The following ATP10D variants were observed in gnomAD, a reference collection of about 807,000 sequenced individuals.
The protein encoded by ATP10D is phospholipid-transporting ATPase VD.
In ATP10D, 89 loss-of-function variants were observed where a neutral mutation model predicts 144.8. The observed-to-expected ratio is 0.61, with a 90% CI of 0.52 to 0.73. The LOEUF is 0.73. Ranked by LOEUF, ATP10D falls within the 30% of genes least tolerant of loss-of-function variation. The pLI is 0.00. For synonymous variants in ATP10D, 571 were observed against 615.1 expected (o/e 0.93, Z 1.06); for missense variants, 1,603 against 1,714.8 (o/e 0.93, Z 1.15).
chr4:47,502,496 T>C lies in ATP10D; in HGVS notation c.-37-10008T>C, dbSNP rs148736222. ...TAAAAAAAAAAAAATCTGAAGTGTA[T>C]TGAAGAAGAGAAGCATTATCGCTTT... On this transcript the variant is annotated intron_variant, in intron 1 of 22. Transcript: ENST00000273859. Among the ~76,000 whole-genome samples, 698 of 150,944 alleles carry C rather than the reference T, an allele frequency of 4.6e-3. 11 individuals carry two copies. Among genetic ancestry groups the C allele is most frequent in the Admixed American group, 0.034 (512 of 15,118 alleles).
At chr4:47,558,827 GT>G (rs916742078) in intron 12 of ATP10D, 95 bp from the exon 13 acceptor site, 14 of 998,208 alleles carry the variant, frequency 1.4e-5, no homozygotes, top group Admixed American at 1.2e-4. Flanking sequence ...TTTTTTATTT[GT>G]TTTTTTAGTG....
In ATP10D at chr4:47,539,128, A is replaced by T. The variant is rs118074855; in HGVS notation, c.1396+2190A>T. On this transcript the variant is annotated intron_variant, in intron 9 of 22. Coordinates refer to ENST00000273859, the MANE Select transcript of ATP10D (RefSeq NM_020453.4). The stretch of plus-strand genomic sequence containing the variant: ...TGTGCTTCCAGTGTCTCTTCTTATC[A>T]AAAGGTTTATATCTTTGTTATATAA... Among the ~76,000 whole-genome samples, 710 of 152,266 alleles carry T rather than the reference A, an allele frequency of 4.7e-3. 11 individuals carry two copies. The highest frequency in any genetic ancestry group is 0.047 in the East Asian group (241 of 5,174).
intron 10 of ATP10D, among the ~76,000 whole-genome samples, chr4:47,549,861 C>T (rs577514904): frequency 1.3e-5 from 2 of 151,772 alleles, no homozygotes; most frequent in African/African-American, 2.4e-5. Context: ...GCTGACAGCA[C>T]GTGGTACGTG....
At chr4:47,489,215 G>A (rs750190537) in intron 1 of ATP10D, among the ~76,000 whole-genome samples, 53 of 152,276 alleles carry the variant, frequency 3.5e-4, no homozygotes, top group Non-Finnish European at 6.6e-4. Flanking sequence ...TCCCAGCAGA[G>A]CGATAAATTA....
At position 47,561,088 on chromosome 4, in the gene ATP10D, T is replaced by C. The variant is rs1719272401; in HGVS notation, c.2668+13T>C. The stretch of plus-strand genomic sequence containing the variant: ...CTTACATTACTTGGTAGGTGAATTA[T>C]GTTTGTATTGCCTGAATGGAGGATT... On this transcript the variant is annotated intron_variant, in intron 14 of 22. Coordinates refer to ENST00000273859, the MANE Select transcript of ATP10D (RefSeq NM_020453.4). 1 of 1,614,024 alleles carries C rather than the reference T, an allele frequency of 6.2e-7. No individual in the cohort carries two copies. Among genetic ancestry groups the C allele is most frequent in the Non-Finnish European group, 8.5e-7 (1 of 1,179,864 alleles).
rs762008183 is a variant in ATP10D, at chr4:47,591,335, C to T, written c.4235C>T (p.Thr1412Ile). Residue 1412 changes from threonine to isoleucine, a missense_variant, in exon 23 of 23, where the codon ACT becomes ATT. Thr to Ile is a moderately conservative substitution (Grantham distance 89). Transcript: ENST00000273859. ...ETALDQGYSE[T>I]KAFEMAGPSK... is the part of the protein sequence containing the mutation. ...GCTTTAGATCAAGGCTACTCTGAAA[C>T]TAAGGCCTTTGAGATGGCTGGACCC... 6 of 1,612,746 alleles carry T rather than the reference C, an allele frequency of 3.7e-6. No homozygotes were observed. Among genetic ancestry groups the T allele is most frequent in the Non-Finnish European group, 5.1e-6 (6 of 1,179,188 alleles).
chr4:47,580,619 C>T, intron 20 of ATP10D, 141 bp downstream of exon 20: 1 of 736,756 alleles, frequency 1.4e-6, no homozygotes, highest in Non-Finnish European at 2.3e-6. Flanking sequence ...TATAATCTCC[C>T]CAAAAATATA....
At chr4:47,537,770 G>A (rs1315769576) in intron 9 of ATP10D, among the ~76,000 whole-genome samples, 2 of 152,054 alleles carry the variant, frequency 1.3e-5, no homozygotes, top group Non-Finnish European at 2.9e-5. Flanking sequence ...AACTTAGTTT[G>A]CTATGCTTAA....
At chr4:47,495,007 T>G (rs1051206143) in intron 1 of ATP10D, among the ~76,000 whole-genome samples, 1 of 152,228 alleles carries the variant, frequency 6.6e-6, no homozygotes, top group African/African-American at 2.4e-5. Flanking sequence ...AGTAATTATC[T>G]TTTGGTAAAA....
intron 1 of ATP10D, among the ~76,000 whole-genome samples, chr4:47,495,519 A>T (rs1577606905): frequency 6.6e-6 from 1 of 152,196 alleles, no homozygotes; most frequent in African/African-American, 2.4e-5. Flanking sequence ...AAACATGGAG[A>T]GTATAAAAAC....
chr4:47,590,070 G>T (rs78394092), intron 22 of ATP10D, among the ~76,000 whole-genome samples: 5 of 152,206 alleles, frequency 3.3e-5, no homozygotes, highest in East Asian at 1.9e-4. Context: ...GGACTCGGAA[G>T]AAAATGAGGA....
chr4:47,531,069 T>C (rs1446856570), intron 5 of ATP10D, among the ~76,000 whole-genome samples: 1 of 146,852 alleles, frequency 6.8e-6, no homozygotes, highest in African/African-American at 2.5e-5. Flanking sequence ...ATAGTTTCCG[T>C]AAGATGGGTA....
chr4:47,535,985 C>T lies in ATP10D; in HGVS notation c.967C>T (p.Leu323Phe). The T allele has an allele frequency of 6.2e-7, 1 of 1,613,050 alleles. No homozygotes were observed. The highest frequency in any genetic ancestry group is 1.1e-5 in the South Asian group (1 of 91,034). The change falls in exon 7 of 23, where the codon CTC becomes TTC. Residue 323 changes from leucine (L) to phenylalanine (F), a missense_variant. Transcript: ENST00000273859. Reference sequence around the variant, plus strand: ...AGAAAGAAGAGCAAACACAGATGTCCTCTGGTGTGTCATGCTTCTGGTCAT... The same window carrying T: ...AGAAAGAAGAGCAAACACAGATGTCTTCTGGTGTGTCATGCTTCTGGTCAT... ...KLERRANTDVLWCVMLLVIMC... is the reference protein window; with the variant it reads ...KLERRANTDVFWCVMLLVIMC...
Position 47,578,432 on chromosome 4 carries a change from C to G in ATP10D, c.3567+1459C>G, listed in dbSNP as rs947825399. The G allele has an allele frequency of 5.3e-5, 8 of 152,358 alleles. No homozygotes were observed. In the East Asian group the frequency reaches 1.5e-3, roughly 29 times the overall value. The allele number at this position is 152,358 out of a possible 1,614,324, so 9.4% of individuals were successfully genotyped here. ...GGCTTTGGCTTCATGTCCAGACTTTCCCCTTTCAGGTTCCAGTGGACCCCG... is the reference window on the plus strand; with the variant it reads ...GGCTTTGGCTTCATGTCCAGACTTTGCCCTTTCAGGTTCCAGTGGACCCCG... On this transcript the variant is annotated intron_variant, in intron 19 of 22. Transcript: ENST00000273859.
chr4:47,506,868 G>A lies in ATP10D; in HGVS notation c.-37-5636G>A, dbSNP rs114326140. The stretch of plus-strand genomic sequence containing the variant: ...AAACTCTGAAAAATTATCTCTTTGA[G>A]GAATGAGCTAAATCTTAGAATTATG... On this transcript the variant is annotated intron_variant, in intron 1 of 22. Transcript: ENST00000273859. Among the ~76,000 whole-genome samples, 625 of 152,236 alleles carry A rather than the reference G, an allele frequency of 4.1e-3. 3 individuals are homozygous for A. The highest frequency in any genetic ancestry group is 6.6e-3 in the Non-Finnish European group (448 of 68,014).
At chr4:47,539,034 G>C (rs1717996046) in intron 9 of ATP10D, among the ~76,000 whole-genome samples, 1 of 152,080 alleles carries the variant, frequency 6.6e-6, no homozygotes, top group African/African-American at 2.4e-5. Flanking sequence ...TAGTCACAAG[G>C]TGCATCTACC....
chr4:47,584,449 G>A (rs1386950437), intron 21 of ATP10D, among the ~76,000 whole-genome samples: 1 of 152,158 alleles, frequency 6.6e-6, no homozygotes, highest in Non-Finnish European at 1.5e-5. Context: ...CTGGAGTGCA[G>A]TGGCACTATC....
chr4:47,578,338 T>C (rs764615940), intron 19 of ATP10D: 2 of 152,218 alleles, frequency 1.3e-5, no homozygotes, highest in African/African-American at 2.4e-5. Flanking sequence ...AGTCTGGAAG[T>C]CTGCAGTCAG....
rs148778373 is a variant in ATP10D at position 47,486,604 on chromosome 4, G to A, written c.-38+1085G>A. The stretch of plus-strand genomic sequence containing the variant: ...CAACGGAGTAGTTTGTTCAGTGCCC[G>A]CAGCAAGAACCTCCCACTCCGATCC... On this transcript the variant is annotated intron_variant, in intron 1 of 22. Transcript: ENST00000273859. Among the ~76,000 whole-genome samples, 713 of 152,228 alleles carry A rather than the reference G, an allele frequency of 4.7e-3. 3 individuals carry two copies. Among genetic ancestry groups the A allele is most frequent in the Non-Finnish European group, 5.9e-3 (401 of 68,014 alleles).
Sources: gnomAD v4.1 joint callset for allele counts (sites outside exome capture counted in the v4.1 genomes callset) on GRCh38, gnomAD v4.1.1 for gene constraint, MANE v1.5 for transcripts, NCBI Gene and HGNC (gene_info 2026-07-23, HGNC 2026-07-21) for gene names.